Variants in IGLL5 observed in about 807,000 individuals in gnomAD.
IGLL5 encodes the protein immunoglobulin lambda-like polypeptide 5.
In IGLL5, 30 loss-of-function variants were observed where a neutral mutation model predicts 20.9. That is an observed-to-expected ratio of 1.44 (90% CI 1.07 to 1.95). The LOEUF is 1.95. Ranked by LOEUF, IGLL5 falls within the 30% of genes most tolerant of loss-of-function variation. The probability of loss-of-function intolerance (pLI) is 0.00; values close to 1 mark genes in which losing one functional copy is unlikely to be tolerated. For missense variants in IGLL5, 475 were observed against 270.7 expected (o/e 1.75, Z -5.30); for synonymous variants, 203 against 117.3 (o/e 1.73, Z -4.72).
chr22:22,893,824 TG>T lies in IGLL5; in HGVS notation c.325+8del, dbSNP rs2067929140. ...GACCAAGGTCACCGTCCTAGGTAAGTGGCTCTCAACCTTTCCCAGCCTGTCT... is the reference window on the plus strand; with the variant it reads ...GACCAAGGTCACCGTCCTAGGTAAGTGCTCTCAACCTTTCCCAGCCTGTCT... On this transcript the variant is annotated splice_region_variant and intron_variant, in intron 2 of 2. Transcript: ENST00000526893. 1.3e-6 allele frequency: 2 copies of T among 1,584,490 alleles called. No individual in the cohort carries two copies.
intron 2 of IGLL5, among the ~76,000 whole-genome samples, chr22:22,894,099 G>A (rs2067981682): frequency 1.3e-5 from 2 of 151,522 alleles, no homozygotes; most frequent in South Asian, 2.1e-4. Context: ...CTGAGTGAGG[G>A]ACAGAGGCTG....
At chr22:22,894,024 T>C (rs2067969520) in intron 2 of IGLL5, among the ~76,000 whole-genome samples, 2 of 151,492 alleles carry the variant, frequency 1.3e-5, no homozygotes, top group East Asian at 2.0e-4. Flanking sequence ...GGATGCAGCC[T>C]GGTCCCGGGG....
chr22:22,896,052 A>C lies in IGLL5; in HGVS notation c.*358A>C. ...AGCTACCAGTCTGGCATCAGTTCAG[A>C]CCAGTCCCACACCCTCCTAAATTTT... On this transcript the variant is annotated 3_prime_UTR_variant, in exon 3 of 3. Transcript: ENST00000526893. 2.2e-6 allele frequency: 1 copy of C among 453,804 alleles called. No individual in the cohort carries two copies. Among genetic ancestry groups the C allele is most frequent in the Non-Finnish European group, 4.0e-6 (1 of 247,294 alleles). 28.1% of individuals were successfully genotyped at this position (453,804 alleles called of 1,614,324 possible). A position where few individuals can be genotyped will look rare whatever the true frequency, so the allele number is the denominator to read the frequency against.
chr22:22,896,081 T>C lies in IGLL5; in HGVS notation c.*387T>C. The stretch of plus-strand genomic sequence containing the variant: ...GTCCCACACCCTCCTAAATTTTACT[T>C]CTCAATAAATACCTGATCATGTAAA... On this transcript the variant is annotated 3_prime_UTR_variant, in exon 3 of 3. Transcript: ENST00000526893. The C allele has an allele frequency of 2.7e-6, 1 of 367,892 alleles. No homozygotes were observed. The highest frequency in any genetic ancestry group is 4.3e-5 in the Admixed American group (1 of 23,506). The allele number at this position is 367,892 out of a possible 1,614,324, so 22.8% of individuals were successfully genotyped here.
rs2067572324 is a variant in IGLL5 at position 22,888,245 on chromosome 22, GA to G, written c.193del (p.Ser65AlafsTer44). The G allele has an allele frequency of 6.5e-7, 1 of 1,547,776 alleles. No homozygotes were observed. Among genetic ancestry groups the G allele is most frequent in the African/African-American group, 1.4e-5 (1 of 72,746 alleles). ...TTGGAAGCAGCCGATCCAGCCTGCG[GA>G]GCCTGTGGGGCAGGTAAGGGGCAAG... is the stretch of plus-strand genomic sequence containing the variant. ...SVGSSRSSLR[S>X]LWGRLLLQPS... On this transcript the variant is annotated frameshift_variant, in exon 1 of 3. Transcript: ENST00000526893. LOFTEE classifies it high-confidence loss of function.
rs145696836 is a variant in IGLL5, at chr22:22,888,014, C to T, written c.-40C>T. 1.7e-5 allele frequency: 26 copies of T among 1,503,370 alleles called. 3 individuals are homozygous for T. Among genetic ancestry groups the T allele is most frequent in the East Asian group, 7.4e-5 (3 of 40,400 alleles). 93.1% of individuals were successfully genotyped at this position (1,503,370 alleles called of 1,614,324 possible). A position where few individuals can be genotyped will look rare whatever the true frequency, so the allele number is the denominator to read the frequency against. On this transcript the variant is annotated 5_prime_UTR_variant, in exon 1 of 3. Transcript: ENST00000526893. ...GGCACCGTCCTCCAGGGAGCCCATGCTGCAAGTCGGGCCAGAGGTGCCCCT... is the reference window on the plus strand; with the variant it reads ...GGCACCGTCCTCCAGGGAGCCCATGTTGCAAGTCGGGCCAGAGGTGCCCCT...
intron 1 of IGLL5, among the ~76,000 whole-genome samples, chr22:22,889,834 C>T (rs569654861): frequency 1.3e-5 from 2 of 151,386 alleles, no homozygotes; most frequent in Non-Finnish European, 1.5e-5. Context: ...TAAGCTCAAG[C>T]AATCTTTCTG....
chr22:22,888,886 C>A (rs540000424), intron 1 of IGLL5, among the ~76,000 whole-genome samples: 4 of 151,210 alleles, frequency 2.6e-5, no homozygotes, highest in African/African-American at 9.7e-5. Flanking sequence ...TGGGATGATG[C>A]CCAGGCTGGT....
chr22:22,889,351 A>G (rs1159228719), intron 1 of IGLL5, among the ~76,000 whole-genome samples: 2 of 151,184 alleles, frequency 1.3e-5, no homozygotes, highest in East Asian at 2.0e-4. Context: ...GGGCATTAAA[A>G]ATGTATAACC....
chr22:22,888,302 A>C (rs762394916), intron 1 of IGLL5, 43 bp downstream of exon 1: 4 of 1,532,428 alleles, frequency 2.6e-6, no homozygotes, highest in East Asian at 2.5e-5. Context: ...GTCCTGCAGC[A>C]GAGCTGGGAA....
chr22:22,895,762 C>G lies in IGLL5; in HGVS notation c.*68C>G. 1 of 1,454,922 alleles carries G rather than the reference C, an allele frequency of 6.9e-7. No individual in the cohort carries two copies. The highest frequency in any genetic ancestry group is 9.6e-7 in the Non-Finnish European group (1 of 1,036,416). The allele number at this position is 1,454,922 out of a possible 1,614,324, so 90.1% of individuals were successfully genotyped here. A position where few individuals can be genotyped will look rare whatever the true frequency, so the allele number is the denominator to read the frequency against. On this transcript the variant is annotated 3_prime_UTR_variant, in exon 3 of 3. Transcript: ENST00000526893. ...GATCCCAGGGGAGGGGTCTCTCTCC[C>G]CATCCCAAGTCATCCAGCCCTTCTC...
chr22:22,888,967 A>T (rs59044822), intron 1 of IGLL5, among the ~76,000 whole-genome samples: 2 of 151,354 alleles, frequency 1.3e-5, no homozygotes, highest in East Asian at 4.0e-4. Context: ...AGGAGAGGAG[A>T]GCACAGGATG....
At chr22:22,889,904 T>C (rs1250145449) in intron 1 of IGLL5, among the ~76,000 whole-genome samples, 2 of 151,278 alleles carry the variant, frequency 1.3e-5, no homozygotes, top group African/African-American at 2.4e-5. Flanking sequence ...CCCAACTGTG[T>C]TTTTAAAGTA....
At chr22:22,894,520 C>G (rs762642085) in intron 2 of IGLL5, among the ~76,000 whole-genome samples, 3 of 151,532 alleles carry the variant, frequency 2.0e-5, no homozygotes, top group East Asian at 4.0e-4. Context: ...GCCCCGTCAC[C>G]TCTGGGGCCC....
In IGLL5 at chr22:22,888,507, A is replaced by C. The variant is rs543680524; in HGVS notation, c.206+248A>C. 1.3e-5 allele frequency among the ~76,000 whole-genome samples: 2 copies of C among 151,314 alleles called. 1 individual carries two copies. The highest frequency in any genetic ancestry group is 4.1e-4 in the East Asian group (2 of 4,936). ...GTTTTCTGGCGCCACTTAAATTTTC[A>C]CCAGGGTCAGTGCCTCAATCACCTA... On this transcript the variant is annotated intron_variant, in intron 1 of 2. Transcript: ENST00000526893.
At chr22:22,890,381 C>T (rs2067795316) in intron 1 of IGLL5, among the ~76,000 whole-genome samples, 1 of 146,292 alleles carries the variant, frequency 6.8e-6, no homozygotes, top group African/African-American at 2.5e-5. Flanking sequence ...AAAGTAAGAG[C>T]CATATTCTGC....
intron 1 of IGLL5, among the ~76,000 whole-genome samples, chr22:22,888,871 C>G: frequency 6.6e-6 from 1 of 151,442 alleles, no homozygotes; most frequent in South Asian, 2.1e-4. Context: ...GAGGGGATCT[C>G]CCTCTGGGAT....
intron 2 of IGLL5, 43 bp from the exon 3 acceptor site, chr22:22,895,332 G>A (rs1463142981): frequency 1.9e-6 from 3 of 1,563,308 alleles, no homozygotes; most frequent in Non-Finnish European, 2.6e-6. Context: ...CAACACCCCG[G>A]TATTCTGTCT....
At chr22:22,889,004 A>G (rs540227537) in intron 1 of IGLL5, among the ~76,000 whole-genome samples, 5 of 151,326 alleles carry the variant, frequency 3.3e-5, no homozygotes, top group South Asian at 2.1e-4. Context: ...GGTGACTGGG[A>G]AGGGGAGGCA....
Sources: allele counts gnomAD v4.1 joint callset (sites outside exome capture counted in the v4.1 genomes callset), GRCh38; gene constraint gnomAD v4.1.1; transcripts MANE v1.5; gene names NCBI Gene and HGNC (gene_info 2026-07-23, HGNC 2026-07-21).